Variants in MYO9B observed in about 807,000 individuals in gnomAD.
MYO9B encodes the protein myosin IXB.
Under a neutral mutation model 229.5 loss-of-function variants are expected in MYO9B, and 71 were observed. The ratio of observed to expected loss-of-function variants is 0.31; its 90% CI spans 0.26 to 0.38. The LOEUF (loss-of-function observed/expected upper bound fraction) is 0.38. Ranked by LOEUF, MYO9B falls within the 10% of genes least tolerant of loss-of-function variation. The probability of loss-of-function intolerance (pLI) is 1.00; values close to 1 mark genes in which losing one functional copy is unlikely to be tolerated. For missense variants in MYO9B, 2,255 were observed against 2,920.5 expected, an observed-to-expected ratio of 0.77 and a Z score of 5.25; for synonymous variants, 1,185 against 1,235.8, an observed-to-expected ratio of 0.96 and a Z score of 0.86.
At chr19:17,141,105 GAA>G (rs34230599) in intron 2 of MYO9B, among the ~76,000 whole-genome samples, 6 of 138,064 alleles carry the variant, frequency 4.3e-5, no homozygotes, top group Non-Finnish European at 7.8e-5. Context: ...CCCTGTCTCA[GAA>G]AAAAAAAAAA....
chr19:17,168,997 C>G (rs930023091), intron 11 of MYO9B, among the ~76,000 whole-genome samples: 2 of 152,162 alleles, frequency 1.3e-5, no homozygotes, highest in African/African-American at 4.8e-5. Flanking sequence ...AACTACTTTC[C>G]TGTGGCTCCT....
At position 17,213,064 on chromosome 19, in the gene MYO9B, C is replaced by T. The variant is rs1343249654; in HGVS notation, c.*754C>T. 1 of 152,300 alleles carries T rather than the reference C, an allele frequency of 6.6e-6. No individual in the cohort carries two copies. The highest frequency in any genetic ancestry group is 1.5e-5 in the Non-Finnish European group (1 of 68,090). The allele number at this position is 152,300 out of a possible 1,614,324, so 9.4% of individuals were successfully genotyped here. A position where few individuals can be genotyped will look rare whatever the true frequency, so the allele number is the denominator to read the frequency against. On this transcript the variant is annotated 3_prime_UTR_variant, in exon 40 of 40. Coordinates refer to ENST00000682292, the MANE Select transcript of MYO9B (RefSeq NM_004145.4). ...GGAGGCTGCTTTTGGCACTACCCAC[C>T]CCGTGTGACAGAATAGGAGCCAGCG...
chr19:17,114,335 G>A (rs1415139920), intron 2 of MYO9B, among the ~76,000 whole-genome samples: 4 of 152,094 alleles, frequency 2.6e-5, no homozygotes, highest in Non-Finnish European at 4.4e-5. Flanking sequence ...GTTTCAGTCC[G>A]GCGTTCTCCC....
Position 17,081,854 on chromosome 19 carries a change from G to A in MYO9B, c.-59+5980G>A, listed in dbSNP as rs961708767. Among the ~76,000 whole-genome samples, 3 of 151,526 alleles carry A rather than the reference G, an allele frequency of 2.0e-5. No individual in the cohort carries two copies. The South Asian group carries it at 6.3e-4, about 32-fold the overall frequency. Reference sequence around the variant, plus strand: ...AAGAGGCGAGGACCCAGCCCAGGGCGGAGTGGGTCCCATGGGATTTTACAG... The same window carrying A: ...AAGAGGCGAGGACCCAGCCCAGGGCAGAGTGGGTCCCATGGGATTTTACAG... On this transcript the variant is annotated intron_variant, in intron 1 of 39. Coordinates refer to ENST00000682292, the MANE Select transcript of MYO9B (RefSeq NM_004145.4).
chr19:17,136,549 A>G (rs2072271881), intron 2 of MYO9B, among the ~76,000 whole-genome samples: 2 of 152,106 alleles, frequency 1.3e-5, no homozygotes, highest in South Asian at 4.1e-4. Context: ...AATGCTCCGC[A>G]GCCGGGGTGA....
At chr19:17,197,996 T>C (rs1304983173) in intron 23 of MYO9B, 138 bp downstream of exon 23, 1 of 1,343,368 alleles carries the variant, frequency 7.4e-7, no homozygotes, top group African/African-American at 1.5e-5. Context: ...GGGTAGAGGT[T>C]GTAGTGAGCC....
chr19:17,143,086 A>G (rs971539080), intron 2 of MYO9B, among the ~76,000 whole-genome samples: 1 of 152,126 alleles, frequency 6.6e-6, no homozygotes, highest in Non-Finnish European at 1.5e-5. Flanking sequence ...TAAAAATGTA[A>G]AAGTTAGCCA....
chr19:17,205,456 G>A (rs557814049), intron 31 of MYO9B, 120 bp downstream of exon 31: 6 of 887,828 alleles, frequency 6.8e-6, no homozygotes, highest in Non-Finnish European at 8.9e-6. Context: ...GGGGGCGGCT[G>A]TGGCCTCTGG....
At chr19:17,136,625 C>T (rs1024720011) in intron 2 of MYO9B, among the ~76,000 whole-genome samples, 11 of 143,228 alleles carry the variant, frequency 7.7e-5, no homozygotes, top group Non-Finnish European at 1.2e-4. Context: ...AGGCCAGGGA[C>T]GCTGTTCAAC....
chr19:17,179,717 G>A (rs538006722), intron 14 of MYO9B, among the ~76,000 whole-genome samples: 105 of 151,244 alleles, frequency 6.9e-4, no homozygotes, highest in Non-Finnish European at 1.1e-3. Flanking sequence ...ATGAGCCACC[G>A]CGCCCAGCCT....
At chr19:17,086,519 A>G (rs1265371875) in intron 1 of MYO9B, among the ~76,000 whole-genome samples, 1 of 152,188 alleles carries the variant, frequency 6.6e-6, no homozygotes, top group Non-Finnish European at 1.5e-5. Flanking sequence ...ACTGTGGGAC[A>G]CTGAGTGGCA....
intron 2 of MYO9B, among the ~76,000 whole-genome samples, chr19:17,128,520 C>A (rs1411844187): frequency 6.6e-6 from 1 of 152,222 alleles, no homozygotes; most frequent in Non-Finnish European, 1.5e-5. Context: ...CAGAGCAGAA[C>A]CCCCCGGTCC....
intron 1 of MYO9B, among the ~76,000 whole-genome samples, chr19:17,093,293 T>TG (rs1345217213): frequency 3.3e-5 from 5 of 151,444 alleles, no homozygotes; most frequent in Non-Finnish European, 7.4e-5. Flanking sequence ...ATCGTGCCAC[T>TG]GCACTCCAGC....
chr19:17,173,520 T>C (rs1343629457), intron 13 of MYO9B, among the ~76,000 whole-genome samples: 3 of 152,004 alleles, frequency 2.0e-5, no homozygotes, highest in South Asian at 4.1e-4. Flanking sequence ...GCCAGGCTGG[T>C]CTCGAACTCC....
At chr19:17,158,790 C>T (rs60691108) in intron 7 of MYO9B, among the ~76,000 whole-genome samples, 479 of 152,262 alleles carry the variant, frequency 3.1e-3, no homozygotes, top group African/African-American at 0.01. Context: ...CACCTGGACC[C>T]GTGGCTCGCA....
chr19:17,179,454 TCTCA>T (rs2072830786), intron 14 of MYO9B, among the ~76,000 whole-genome samples: 1 of 131,056 alleles, frequency 7.6e-6, no homozygotes, highest in African/African-American at 3.2e-5. Context: ...TTAGACAGAG[TCTCA>T]CTCTGTTGCC....
intron 1 of MYO9B, among the ~76,000 whole-genome samples, chr19:17,082,220 G>A (rs979444401): frequency 7.7e-4 from 117 of 152,300 alleles, no homozygotes; most frequent in African/African-American, 2.6e-3. Flanking sequence ...CAGGAGTCAC[G>A]AGCATGGAAG....
At position 17,102,459 on chromosome 19, in the gene MYO9B, A is replaced by T; in HGVS notation, c.742A>T (p.Ser248Cys). Residue 248 changes from serine to cysteine, a missense_variant, in exon 2 of 40, where the codon AGC (serine) becomes TGC (cysteine). Coordinates refer to ENST00000682292, the MANE Select transcript of MYO9B (RefSeq NM_004145.4). ...SGESGSGKTQ[S>C]TNFLIHCLTA... ...TGAGAGCGGCTCCGGCAAGACCCAG[A>T]GCACCAACTTCCTCATCCACTGCCT... is the stretch of plus-strand genomic sequence containing the variant. 2 of 1,613,948 alleles carry T rather than the reference A, an allele frequency of 1.2e-6. No homozygotes were observed. Among genetic ancestry groups the T allele is most frequent in the Non-Finnish European group, 1.7e-6 (2 of 1,179,886 alleles).
intron 2 of MYO9B, among the ~76,000 whole-genome samples, chr19:17,135,371 G>A (rs985136058): frequency 5.3e-5 from 8 of 151,134 alleles, no homozygotes; most frequent in Admixed American, 3.3e-4. Context: ...CCGCCTTCCC[G>A]GTGCGTGTGC....
Sources: gnomAD v4.1 joint callset for allele counts (sites outside exome capture counted in the v4.1 genomes callset) on GRCh38, gnomAD v4.1.1 for gene constraint, MANE v1.5 for transcripts, NCBI Gene and HGNC (gene_info 2026-07-23, HGNC 2026-07-21) for gene names.